The following UBA2 variants were observed in gnomAD, a reference collection of about 807,000 sequenced individuals.
UBA2 encodes the protein SUMO-activating enzyme subunit 2.
In UBA2, 11 loss-of-function variants were observed where a neutral mutation model predicts 77.2. The observed-to-expected ratio is 0.14, with a 90% CI of 0.09 to 0.24. The LOEUF (loss-of-function observed/expected upper bound fraction) is 0.24, where lower values mean the gene tolerates loss of function less well. Among genes scored for constraint, UBA2 ranks in the 10% least tolerant of loss-of-function variants. UBA2 has a pLI of 1.00. For missense variants in UBA2, 487 were observed against 781.7 expected, an observed-to-expected ratio of 0.62 and a Z score of 4.50; for synonymous variants, 278 against 276.7, an observed-to-expected ratio of 1.00 and a Z score of -0.05.
intron 10 of UBA2, 105 bp from the exon 11 acceptor site, chr19:34,454,155 G>GA: frequency 9.6e-7 from 1 of 1,038,924 alleles, no homozygotes; most frequent in South Asian, 1.6e-5. Flanking sequence ...TGTTCTAGTC[G>GA]AAAGTCTATA....
intron 5 of UBA2, among the ~76,000 whole-genome samples, chr19:34,435,841 A>G (rs2075302117): frequency 6.8e-6 from 1 of 146,944 alleles, no homozygotes; most frequent in Non-Finnish European, 1.5e-5. Flanking sequence ...AAAAAAAGCC[A>G]GGCGTGATGG....
chr19:34,451,356 G>A (rs560063716), intron 9 of UBA2, among the ~76,000 whole-genome samples: 14 of 151,982 alleles, frequency 9.2e-5, no homozygotes, highest in Non-Finnish European at 1.8e-4. Context: ...AACAATCAGG[G>A]ATAGTTATCA....
chr19:34,449,624 T>G (rs1482594197), intron 8 of UBA2, among the ~76,000 whole-genome samples: 1 of 152,238 alleles, frequency 6.6e-6, no homozygotes, highest in African/African-American at 2.4e-5. Flanking sequence ...TAAAATCACT[T>G]GAAGTTCTAA....
chr19:34,438,541 G>A (rs573569263), intron 5 of UBA2, 104 bp from the exon 6 acceptor site: 15 of 1,403,646 alleles, frequency 1.1e-5, no homozygotes, highest in Middle Eastern at 1.8e-4. Context: ...CCTTGACAAC[G>A]TAAAACGTAG....
intron 6 of UBA2, among the ~76,000 whole-genome samples, chr19:34,439,206 CAAA>C (rs34519506): frequency 2.3e-5 from 2 of 87,086 alleles, no homozygotes; most frequent in Non-Finnish European, 2.3e-5. Flanking sequence ...GAATTTGTCT[CAAA>C]AAAAAAAAAA....
chr19:34,434,845 C>A, intron 4 of UBA2, 23 bp from the exon 5 acceptor site: 1 of 1,561,984 alleles, frequency 6.4e-7, no homozygotes, highest in South Asian at 1.2e-5. Flanking sequence ...CCCAAAAACT[C>A]ATACTGTTTG....
Position 34,469,060 on chromosome 19 carries a change from C to T in UBA2, c.1762C>T (p.Leu588Phe), listed in dbSNP as rs763642096. 9 of 1,607,104 alleles carry T rather than the reference C, an allele frequency of 5.6e-6. No homozygotes were observed. The highest frequency in any genetic ancestry group is 7.6e-6 in the Non-Finnish European group (9 of 1,178,048). ...ATAAGCTCAAGAGCAAGATGACGTT[C>T]TCATAGTTGATTCAGATGAAGAAGA... ...TSTAQEQDDV[L>F]IVDSDEEDSS... Residue 588 changes from leucine to phenylalanine, a missense_variant, in exon 17 of 17, where the codon CTC becomes TTC. Physicochemically the swap from Leu to Phe is conservative, Grantham distance 22. Coordinates refer to ENST00000246548, the MANE Select transcript of UBA2 (RefSeq NM_005499.3).
intron 15 of UBA2, 28 bp downstream of exon 15, chr19:34,464,159 A>G (rs754895329): frequency 7.1e-7 from 1 of 1,414,784 alleles, no homozygotes; most frequent in South Asian, 1.2e-5. Flanking sequence ...TTTAATTGTA[A>G]GAAATTATTT....
intron 14 of UBA2, among the ~76,000 whole-genome samples, chr19:34,461,727 A>T (rs1348512238): frequency 6.6e-6 from 1 of 152,242 alleles, no homozygotes; most frequent in Admixed American, 6.5e-5. Flanking sequence ...TCAAGGATGA[A>T]TAAGACAACA....
intron 14 of UBA2, 27 bp downstream of exon 14, chr19:34,460,593 C>A: frequency 6.6e-7 from 1 of 1,513,348 alleles, no homozygotes; most frequent in Non-Finnish European, 9.0e-7. Flanking sequence ...TTATTCATTC[C>A]TCTCATTGAG....
intron 15 of UBA2, among the ~76,000 whole-genome samples, chr19:34,465,799 T>C (rs1321575617): frequency 6.6e-6 from 1 of 152,080 alleles, no homozygotes; most frequent in African/African-American, 2.4e-5. Flanking sequence ...TGGAAGGACA[T>C]GTACAATAAA....
chr19:34,451,934 A>G (rs1334824311), intron 9 of UBA2, 47 bp from the exon 10 acceptor site: 2 of 1,100,660 alleles, frequency 1.8e-6, no homozygotes, highest in South Asian at 3.5e-5. Context: ...CAGTAGAGGA[A>G]TGATGTTAAT....
intron 10 of UBA2, among the ~76,000 whole-genome samples, chr19:34,453,617 G>A (rs1054506411): frequency 2.7e-5 from 4 of 150,920 alleles, no homozygotes; most frequent in Admixed American, 6.6e-5. Flanking sequence ...TCTGCGTCCC[G>A]GGTTCAAGTG....
intron 14 of UBA2, among the ~76,000 whole-genome samples, chr19:34,463,289 C>T (rs893544721): frequency 8.6e-5 from 13 of 151,954 alleles, no homozygotes; most frequent in African/African-American, 1.2e-4. Context: ...CAGTTTGGTC[C>T]CCCTGAAGTA....
chr19:34,444,052 T>TGG, intron 7 of UBA2, 141 bp downstream of exon 7: 5 of 406,204 alleles, frequency 1.2e-5, no homozygotes, highest in Admixed American at 4.4e-5. Context: ...TTGTTTTTTT[T>TGG]TTTTTTTTTT....
chr19:34,439,183 G>A (rs1017924561), intron 6 of UBA2, among the ~76,000 whole-genome samples: 1 of 150,108 alleles, frequency 6.7e-6, no homozygotes, highest in African/African-American at 2.4e-5. Flanking sequence ...ACTCCAGCTT[G>A]GCAACAGAGT....
chr19:34,466,107 G>A (rs1309740031), intron 15 of UBA2, among the ~76,000 whole-genome samples: 1 of 151,962 alleles, frequency 6.6e-6, no homozygotes, highest in Admixed American at 6.6e-5. Flanking sequence ...AGGCTGAGGC[G>A]GGCGGATCAC....
chr19:34,461,705 G>T (rs2075632952), intron 14 of UBA2, among the ~76,000 whole-genome samples: 1 of 152,094 alleles, frequency 6.6e-6, no homozygotes, highest in Admixed American at 6.6e-5. Context: ...CATAGTTTTG[G>T]GTATTCATAA....
intron 12 of UBA2, among the ~76,000 whole-genome samples, 161 bp downstream of exon 12, chr19:34,454,717 C>T (rs529701966): frequency 6.6e-6 from 1 of 152,232 alleles, no homozygotes; most frequent in South Asian, 2.1e-4. Context: ...TTTAAGCTTC[C>T]TGGAAATTGC....
Sources: gnomAD v4.1 joint callset for allele counts (sites outside exome capture counted in the v4.1 genomes callset) on GRCh38, gnomAD v4.1.1 for gene constraint, MANE v1.5 for transcripts, NCBI Gene and HGNC (gene_info 2026-07-23, HGNC 2026-07-21) for gene names.